IRS1: variants seen among roughly 807,000 people sequenced by gnomAD.
IRS1 encodes the protein insulin receptor substrate 1.
IRS1 carries 34 observed loss-of-function variants against 65.6 expected under a neutral mutation model. The observed-to-expected ratio is 0.52, with a 90% CI of 0.39 to 0.69. The LOEUF (loss-of-function observed/expected upper bound fraction) is 0.69. IRS1 is among the 30% of genes least tolerant of loss of function. The pLI is 0.00. For missense variants in IRS1, 1,641 were observed against 1,720.2 expected, an observed-to-expected ratio of 0.95 and a Z score of 0.81; for synonymous variants, 699 against 683.5, an observed-to-expected ratio of 1.02 and a Z score of -0.35.
chr2:226,754,390 T>C (rs1291105474), intron 1 of IRS1, among the ~76,000 whole-genome samples: 1 of 152,138 alleles, frequency 6.6e-6, no homozygotes, highest in African/African-American at 2.4e-5. Context: ...CCAAAAACAA[T>C]ATAGCCATCA....
At chr2:226,774,750 C>T (rs1939236062) in intron 1 of IRS1, among the ~76,000 whole-genome samples, 1 of 152,106 alleles carries the variant, frequency 6.6e-6, no homozygotes, top group African/African-American at 2.4e-5. Context: ...AGAGTATTAA[C>T]CAGCAATAAA....
intron 1 of IRS1, among the ~76,000 whole-genome samples, chr2:226,788,202 A>G (rs1268508269): frequency 6.6e-6 from 1 of 152,142 alleles, no homozygotes; most frequent in East Asian, 1.9e-4. Context: ...CAATATTTAT[A>G]AAACTTGGGA....
At chr2:226,782,388 G>A (rs1939401150) in intron 1 of IRS1, among the ~76,000 whole-genome samples, 2 of 152,206 alleles carry the variant, frequency 1.3e-5, no homozygotes, top group African/African-American at 4.8e-5. Context: ...TGAGTAGGAT[G>A]TGGCAAACCA....
chr2:226,795,404 C>A lies in IRS1; in HGVS notation c.3335G>T (p.Arg1112Leu). 1 of 1,613,438 alleles carries A rather than the reference C, an allele frequency of 6.2e-7. No individual in the cohort carries two copies. Among genetic ancestry groups the A allele is most frequent in the South Asian group, 1.1e-5 (1 of 91,084 alleles). ...ETFSSTPSAT[R>L]VGNTVPFGAG... ...TCCAAAGGGCACTGTGTTGCCCACCCGGGTGGCACTGGGTGTTGAGGAGAA... is the reference window on the plus strand; with the variant it reads ...TCCAAAGGGCACTGTGTTGCCCACCAGGGTGGCACTGGGTGTTGAGGAGAA... Residue 1112 changes from arginine (R) to leucine (L), a missense_variant, in exon 1 of 2, where the codon CGG (arginine) becomes CTG (leucine). Physicochemically the swap from Arg to Leu is moderately radical, Grantham distance 102 (BLOSUM62 -2). This residue lies in a region of IRS1 where 1,324 missense variants were observed against 1,361.0 expected (regional missense o/e 0.97). Coordinates refer to ENST00000305123, the MANE Select transcript of IRS1 (RefSeq NM_005544.3).
intron 1 of IRS1, among the ~76,000 whole-genome samples, chr2:226,793,583 T>C (rs747171283): frequency 6.6e-6 from 1 of 152,236 alleles, no homozygotes; most frequent in Non-Finnish European, 1.5e-5. Flanking sequence ...GATCAAATAT[T>C]GGAAACAGAA....
At chr2:226,751,438 G>A (rs772623862) in intron 1 of IRS1, among the ~76,000 whole-genome samples, 1 of 151,668 alleles carries the variant, frequency 6.6e-6, no homozygotes, top group Non-Finnish European at 1.5e-5. Context: ...CGCCTGCCAC[G>A]ACGCCCAGCT....
At chr2:226,783,164 C>A (rs781092953) in intron 1 of IRS1, among the ~76,000 whole-genome samples, 9 of 152,182 alleles carry the variant, frequency 5.9e-5, no homozygotes, top group Non-Finnish European at 1.3e-4. Context: ...TAGGGGTGAG[C>A]TTTCAGCCTT....
chr2:226,759,717 T>C (rs1429827076), intron 1 of IRS1, among the ~76,000 whole-genome samples: 1 of 152,234 alleles, frequency 6.6e-6, no homozygotes, highest in Non-Finnish European at 1.5e-5. Context: ...CCTTTTTTGA[T>C]ATAACTTAAA....
intron 1 of IRS1, among the ~76,000 whole-genome samples, chr2:226,785,585 AGAGT>A (rs559894916): frequency 2.2e-4 from 34 of 152,364 alleles, no homozygotes; most frequent in Middle Eastern, 6.8e-3. Context: ...CCTGGGTGAC[AGAGT>A]GAGACTCCGT....
intron 1 of IRS1, among the ~76,000 whole-genome samples, chr2:226,786,189 T>C (rs1400948366): frequency 6.6e-6 from 1 of 150,798 alleles, no homozygotes; most frequent in African/African-American, 2.4e-5. Flanking sequence ...TCGTGAATAG[T>C]GCCGCAGTAA....
intron 1 of IRS1, among the ~76,000 whole-genome samples, chr2:226,751,360 T>C (rs1341924571): frequency 2.8e-5 from 4 of 140,404 alleles, no homozygotes; most frequent in African/African-American, 1.1e-4. Flanking sequence ...CTCGGCTCAC[T>C]GCAAGCTCCA....
rs780511813 is a variant in IRS1, at chr2:226,795,664, G to A, written c.3075C>T (p.Ser1025=). 33 of 1,612,898 alleles carry A rather than the reference G, an allele frequency of 2.0e-5. No individual in the cohort carries two copies. In the South Asian group the frequency reaches 3.3e-4, roughly 16 times the overall value. The change falls in exon 1 of 2, where the codon AGC becomes AGT. Residue 1025 remains serine (S), a synonymous_variant. Coordinates refer to ENST00000305123, the MANE Select transcript of IRS1 (RefSeq NM_005544.3). ...MRTGIAAEEV[S]LPRATMAAAS... The stretch of plus-strand genomic sequence containing the variant: ...CAGCAGCCATGGTGGCCCTGGGCAG[G>A]CTCACCTCCTCTGCAGCAATGCCTG...
intron 1 of IRS1, among the ~76,000 whole-genome samples, chr2:226,764,142 A>G (rs1938978933): frequency 6.6e-6 from 1 of 151,784 alleles, no homozygotes; most frequent in Non-Finnish European, 1.5e-5. Flanking sequence ...CCCATACTAG[A>G]TTTCCTAAAT....
At chr2:226,748,811 C>A (rs1414859397) in intron 1 of IRS1, among the ~76,000 whole-genome samples, 1 of 152,142 alleles carries the variant, frequency 6.6e-6, no homozygotes, top group East Asian at 1.9e-4. Context: ...GCTCGGGGCA[C>A]ATATATCATC....
chr2:226,797,818 G>A lies in IRS1; in HGVS notation c.921C>T (p.Ser307=). The part of the protein sequence containing the change: ...VGLTRRSRTE[S]ITATSPASMV... ...TGCTGGCCGGGGAGGTGGCGGTGAT[G>A]CTCTCAGTGCGTGATCGGCGGGTCA... The change falls in exon 1 of 2, where the codon AGC becomes AGT. Residue 307 remains serine (S), a synonymous_variant. Transcript: ENST00000305123. The surrounding 1 kb of genome is among the most constrained non-coding windows in gnomAD (Gnocchi z 8.1). 6.2e-7 allele frequency: 1 copy of A among 1,604,598 alleles called. No homozygotes were observed. Among genetic ancestry groups the A allele is most frequent in the Non-Finnish European group, 8.5e-7 (1 of 1,176,602 alleles).
At chr2:226,745,770 A>C (rs2106160197) in intron 1 of IRS1, among the ~76,000 whole-genome samples, 1 of 152,350 alleles carries the variant, frequency 6.6e-6, no homozygotes, top group Non-Finnish European at 1.5e-5. Flanking sequence ...TGATACCTGA[A>C]AACACACCAG....
At chr2:226,747,760 C>A (rs1574642327) in intron 1 of IRS1, among the ~76,000 whole-genome samples, 2 of 152,210 alleles carry the variant, frequency 1.3e-5, no homozygotes, top group Admixed American at 1.3e-4. Flanking sequence ...AGTCTCCAAG[C>A]ATTTCACTAA....
intron 1 of IRS1, among the ~76,000 whole-genome samples, chr2:226,749,521 A>T (rs10181778): frequency 0.083 from 12,575 of 152,218 alleles, 679 homozygotes; most frequent in East Asian, 0.18. Context: ...CCCACCTCTC[A>T]AACGCATAGT....
intron 1 of IRS1, among the ~76,000 whole-genome samples, chr2:226,788,157 A>G (rs1432626482): frequency 1.3e-5 from 2 of 152,178 alleles, no homozygotes; most frequent in African/African-American, 4.8e-5. Flanking sequence ...TTGGTCAACA[A>G]TAAAAGTGGA....
Sources: gnomAD v4.1 joint callset for allele counts (sites outside exome capture counted in the v4.1 genomes callset) on GRCh38, gnomAD v4.1.1 for gene constraint, gnomAD v4.1.1 regional missense constraint, Gnocchi (gnomAD v3.1) non-coding constraint, MANE v1.5 for transcripts, NCBI Gene and HGNC (gene_info 2026-07-23, HGNC 2026-07-21) for gene names.